The following STPG4 variants were observed in gnomAD, a reference collection of about 807,000 sequenced individuals.
STPG4 encodes the protein protein STPG4.
Under a neutral mutation model 31.5 loss-of-function variants are expected in STPG4, and 41 were observed. The ratio of observed to expected loss-of-function variants is 1.30; its 90% CI spans 1.01 to 1.69. STPG4 has a LOEUF of 1.69. Among genes scored for constraint, STPG4 ranks in the 40% most tolerant of loss-of-function variants. The pLI is 0.00. For synonymous variants in STPG4, 141 were observed against 103.0 expected, an observed-to-expected ratio of 1.37 and a Z score of -2.24; for missense variants, 375 against 293.4, an observed-to-expected ratio of 1.28 and a Z score of -2.03.
At chr2:47,141,325 CAAA>C (rs57032767) in intron 3 of STPG4, among the ~76,000 whole-genome samples, 11 of 116,334 alleles carry the variant, frequency 9.5e-5, no homozygotes, top group Admixed American at 3.5e-4. Flanking sequence ...GGGACTTTCT[CAAA>C]AAAAAAAAAA....
Position 47,102,901 on chromosome 2 carries a change from C to T in STPG4, c.520-12527G>A, listed in dbSNP as rs570448281. On this transcript the variant is annotated intron_variant, in intron 5 of 6. Transcript: ENST00000445927. ...CATAGATCCTATGTACCTATCAGGT[C>T]CTACAGGGTCTAGGGCAAACCTTTG... Among the ~76,000 whole-genome samples the T allele has an allele frequency of 1.4e-4, 21 of 151,816 alleles. No individual in the cohort carries two copies. The East Asian group carries it at 4.1e-3, about 29-fold the overall frequency.
chr2:47,139,006 C>T (rs1168022404), intron 3 of STPG4, among the ~76,000 whole-genome samples: 1 of 152,148 alleles, frequency 6.6e-6, no homozygotes, highest in Non-Finnish European at 1.5e-5. Flanking sequence ...TGTTTTATGG[C>T]TCAGAATGTG....
At chr2:47,095,006 C>T (rs911152716) in intron 5 of STPG4, among the ~76,000 whole-genome samples, 1 of 152,338 alleles carries the variant, frequency 6.6e-6, no homozygotes, top group Admixed American at 6.5e-5. Flanking sequence ...CACTCTGGGG[C>T]AGCCCAGGGC....
chr2:47,095,915 A>G (rs1411181716), intron 5 of STPG4, among the ~76,000 whole-genome samples: 3 of 152,136 alleles, frequency 2.0e-5, no homozygotes, highest in Admixed American at 6.5e-5. Context: ...CTTCCTGCCC[A>G]CTGGGCCCCT....
chr2:47,100,164 T>C (rs866535432), intron 5 of STPG4, among the ~76,000 whole-genome samples: 134 of 151,976 alleles, frequency 8.8e-4, no homozygotes, highest in African/African-American at 2.7e-3. Flanking sequence ...AGCCCTGGTG[T>C]GGGATCCACT....
At chr2:47,110,894 G>A (rs989907038) in intron 5 of STPG4, among the ~76,000 whole-genome samples, 11 of 152,124 alleles carry the variant, frequency 7.2e-5, no homozygotes, top group African/African-American at 2.7e-4. Context: ...CTTTTAAAAT[G>A]ATTTCCCCTC....
rs776961345 is a variant in STPG4, at chr2:47,151,363, CT to C, written c.293del (p.Gln98ArgfsTer11). On this transcript the variant is annotated frameshift_variant, in exon 3 of 7. Coordinates refer to ENST00000445927, the MANE Select transcript of STPG4 (RefSeq NM_001163561.2). LOFTEE classifies it high-confidence loss of function. ...RNNPVLNDLP[Q>X]YMPPDFLDLL... ...GGTCCAGGAAGTCAGGAGGCATATA[CT>C]GCGGAAGATCATTTAGGACTGGATT... The C allele has an allele frequency of 1.2e-5, 19 of 1,614,190 alleles. No homozygotes were observed. Among genetic ancestry groups the C allele is most frequent in the Non-Finnish European group, 1.6e-5 (19 of 1,180,036 alleles).
At chr2:47,102,850 A>T (rs1685828818) in intron 5 of STPG4, among the ~76,000 whole-genome samples, 1 of 151,762 alleles carries the variant, frequency 6.6e-6, no homozygotes, top group African/African-American at 2.4e-5. Context: ...AGACCTGGGG[A>T]GGTTTTCAGA....
intron 3 of STPG4, among the ~76,000 whole-genome samples, chr2:47,132,782 G>A (rs1002315666): frequency 1.3e-5 from 2 of 151,210 alleles, no homozygotes; most frequent in African/African-American, 2.4e-5. Context: ...TCTCTCTCTC[G>A]CACATACACA....
intron 5 of STPG4, among the ~76,000 whole-genome samples, chr2:47,098,700 G>C (rs1334428023): frequency 6.6e-6 from 1 of 151,906 alleles, no homozygotes; most frequent in East Asian, 1.9e-4. Flanking sequence ...ATTACTACAT[G>C]GGGTGGTAAA....
chr2:47,111,641 G>A (rs1050183893), intron 5 of STPG4, among the ~76,000 whole-genome samples: 8 of 151,958 alleles, frequency 5.3e-5, no homozygotes, highest in Non-Finnish European at 1.0e-4. Flanking sequence ...GTGTCTGGTA[G>A]AAGTTTTCAA....
chr2:47,118,935 G>A (rs149894851), intron 5 of STPG4, among the ~76,000 whole-genome samples: 1 of 152,204 alleles, frequency 6.6e-6, no homozygotes, highest in Non-Finnish European at 1.5e-5. Context: ...CCATAACTAT[G>A]AAGCTAATTT....
intron 5 of STPG4, among the ~76,000 whole-genome samples, chr2:47,092,415 C>A (rs1293921737): frequency 6.6e-6 from 1 of 150,944 alleles, no homozygotes; most frequent in Non-Finnish European, 1.5e-5. Context: ...GTGGTCCCAG[C>A]TACTTGGGAG....
intron 5 of STPG4, among the ~76,000 whole-genome samples, chr2:47,117,350 G>C (rs6725649): frequency 0.14 from 21,730 of 152,100 alleles, 1,801 homozygotes; most frequent in African/African-American, 0.2. Flanking sequence ...GCTGGGATTA[G>C]AGGCATGCAC....
intron 5 of STPG4, chr2:47,128,988 A>G (rs539400520): frequency 2.0e-5 from 3 of 152,406 alleles, no homozygotes; most frequent in East Asian, 1.9e-4. Context: ...CTCTTTAGTC[A>G]GTAGGTGATG....
chr2:47,124,856 G>A lies in STPG4; in HGVS notation c.519+5085C>T, dbSNP rs142939423. Among the ~76,000 whole-genome samples, 475 of 152,210 alleles carry A rather than the reference G, an allele frequency of 3.1e-3. 4 individuals are homozygous for A. Among genetic ancestry groups the A allele is most frequent in the Non-Finnish European group, 2.6e-3 (174 of 68,008 alleles). Reference sequence around the variant, plus strand: ...TTGAGGAACCTTTGTACTGTTCTTCGTGGTGGCTGTACTAATTTACATTCT... The same window carrying A: ...TTGAGGAACCTTTGTACTGTTCTTCATGGTGGCTGTACTAATTTACATTCT... On this transcript the variant is annotated intron_variant, in intron 5 of 6. Coordinates refer to ENST00000445927, the MANE Select transcript of STPG4 (RefSeq NM_001163561.2).
chr2:47,100,917 A>G (rs1573153387), intron 5 of STPG4, among the ~76,000 whole-genome samples: 1 of 151,942 alleles, frequency 6.6e-6, no homozygotes, highest in East Asian at 1.9e-4. Context: ...AACACTCACC[A>G]CGAGGGTCCG....
chr2:47,147,409 G>A (rs981617739), intron 3 of STPG4, among the ~76,000 whole-genome samples: 2 of 152,230 alleles, frequency 1.3e-5, no homozygotes, highest in African/African-American at 4.8e-5. Context: ...TTGCAAGGAA[G>A]AAGGGAGTTG....
chr2:47,143,782 C>G lies in STPG4; in HGVS notation c.399+7476G>C, dbSNP rs969925694. Reference sequence around the variant, plus strand: ...GGATTACAGGTGTGAGCCACCGTGTCTGGCCACCCTTTGCTCATTTTTAAC... The same window carrying G: ...GGATTACAGGTGTGAGCCACCGTGTGTGGCCACCCTTTGCTCATTTTTAAC... On this transcript the variant is annotated intron_variant, in intron 3 of 6. Transcript: ENST00000445927. Among the ~76,000 whole-genome samples, 4 of 152,198 alleles carry G rather than the reference C, an allele frequency of 2.6e-5. 1 individual carries two copies. The highest frequency in any genetic ancestry group is 2.6e-4 in the Admixed American group (4 of 15,282).
Sources: gnomAD v4.1 joint callset for allele counts (sites outside exome capture counted in the v4.1 genomes callset) on GRCh38, gnomAD v4.1.1 for gene constraint, MANE v1.5 for transcripts, NCBI Gene and HGNC (gene_info 2026-07-23, HGNC 2026-07-21) for gene names.